TPRG1: variants seen among roughly 807,000 people sequenced by gnomAD.
TPRG1 encodes tumor protein p63-regulated gene 1 protein.
A neutral mutation model predicts 29.3 loss-of-function variants in TPRG1; 29 were observed. The ratio of observed to expected loss-of-function variants is 0.99; its 90% CI spans 0.74 to 1.35. The LOEUF (loss-of-function observed/expected upper bound fraction) is 1.35, where lower values mean the gene tolerates loss of function less well. TPRG1 is among the 40% of genes most tolerant of loss of function. The pLI, the probability that TPRG1 is intolerant of heterozygous loss-of-function variation, is 0.00. For missense variants in TPRG1, 327 were observed against 335.0 expected, an observed-to-expected ratio of 0.98 and a Z score of 0.19; for synonymous variants, 130 against 116.8, an observed-to-expected ratio of 1.11 and a Z score of -0.73.
chr3:189,249,531 GT>G (rs1194874436), intron 4 of TPRG1, among the ~76,000 whole-genome samples: 1 of 151,630 alleles, frequency 6.6e-6, no homozygotes, highest in Non-Finnish European at 1.5e-5. Context: ...CTTTTAATGG[GT>G]AAGATTAACC....
At chr3:189,309,252 T>C (rs1277695926) in intron 4 of TPRG1, among the ~76,000 whole-genome samples, 1 of 152,102 alleles carries the variant, frequency 6.6e-6, no homozygotes, top group East Asian at 1.9e-4. Flanking sequence ...CGGAGTGTTA[T>C]ATGCATTTGT....
upstream of TPRG1, among the ~76,000 whole-genome samples, chr3:189,170,499 T>C (rs1336317818): frequency 2.0e-5 from 3 of 152,220 alleles, no homozygotes; most frequent in African/African-American, 4.8e-5. Flanking sequence ...TGGATTACCA[T>C]AGTACTTGTT....
At chr3:189,283,252 A>G (rs1717461269) in intron 4 of TPRG1, among the ~76,000 whole-genome samples, 1 of 152,194 alleles carries the variant, frequency 6.6e-6, no homozygotes, top group African/African-American at 2.4e-5. Context: ...CCAGTTTTTT[A>G]AAGCAGTGGT....
At chr3:189,200,469 G>A (rs1295963252) in intron 1 of TPRG1, among the ~76,000 whole-genome samples, 1 of 152,106 alleles carries the variant, frequency 6.6e-6, no homozygotes, top group Non-Finnish European at 1.5e-5. Flanking sequence ...TTTATTTTGG[G>A]TATATGCCTT....
intron 1 of TPRG1, among the ~76,000 whole-genome samples, chr3:189,203,543 C>T (rs2108787916): frequency 6.6e-6 from 1 of 152,196 alleles, no homozygotes; most frequent in South Asian, 2.1e-4. Context: ...CTGTTAATCT[C>T]GTGCTACTGC....
At chr3:189,177,175 T>C (rs544848256) in intron 1 of TPRG1, among the ~76,000 whole-genome samples, 1 of 152,170 alleles carries the variant, frequency 6.6e-6, no homozygotes, top group South Asian at 2.1e-4. Flanking sequence ...GTGAGACAGA[T>C]AAGTCAAGTA....
intron 1 of TPRG1, among the ~76,000 whole-genome samples, chr3:189,204,245 G>C (rs191669690): frequency 2.4e-4 from 37 of 152,214 alleles, no homozygotes; most frequent in Admixed American, 2.2e-3. Flanking sequence ...TGAAAGCAAT[G>C]GAACATTTGA....
At chr3:189,071,155 G>T (rs916801144) in intron 4 of TPRG1, among the ~76,000 whole-genome samples, 1 of 152,064 alleles carries the variant, frequency 6.6e-6, no homozygotes, top group Non-Finnish European at 1.5e-5. Flanking sequence ...GGTCACCAGG[G>T]CAGAGAATCC....
chr3:189,319,414 T>C (rs999648047), intron 5 of TPRG1, among the ~76,000 whole-genome samples: 7 of 152,062 alleles, frequency 4.6e-5, no homozygotes, highest in Non-Finnish European at 7.4e-5. Context: ...AACTCAATAA[T>C]AATATCGCTA....
chr3:189,125,451 G>A (rs1469631003), intron 1 of TPRG1, among the ~76,000 whole-genome samples: 1 of 152,164 alleles, frequency 6.6e-6, no homozygotes, highest in African/African-American at 2.4e-5. Flanking sequence ...GGGCCTGTCA[G>A]ACCATATGAT....
chr3:189,207,694 G>A, intron 2 of TPRG1, 100 bp downstream of exon 2: 1 of 1,122,270 alleles, frequency 8.9e-7, no homozygotes, highest in Admixed American at 1.9e-5. Context: ...ACTCACATTT[G>A]TCTCATGTAA....
upstream of TPRG1, among the ~76,000 whole-genome samples, chr3:189,170,791 G>A (rs1728728382): frequency 6.6e-6 from 1 of 152,088 alleles, no homozygotes; most frequent in Non-Finnish European, 1.5e-5. Flanking sequence ...ATTTCCTGTG[G>A]AATCGCTTCA....
chr3:189,169,733 C>G (rs1728585483), upstream of TPRG1, among the ~76,000 whole-genome samples: 1 of 152,212 alleles, frequency 6.6e-6, no homozygotes, highest in Admixed American at 6.5e-5. Flanking sequence ...CCTCCAGGAG[C>G]TCATTTTCTC....
intron 3 of TPRG1, among the ~76,000 whole-genome samples, chr3:189,234,964 G>A (rs772278417): frequency 6.6e-6 from 1 of 152,120 alleles, no homozygotes; most frequent in Non-Finnish European, 1.5e-5. Context: ...GGAGATTCAT[G>A]AACAACATTG....
rs993742027 is a variant in TPRG1, at chr3:189,324,111, C to T, written c.*3291C>T. ...GGTCATCTAAGGCAGAAAAGAGAAG[C>T]TCACTTATAAGTTGGCACTTCTGAA... On this transcript the variant is annotated 3_prime_UTR_variant, in exon 6 of 6. Coordinates refer to ENST00000345063, the MANE Select transcript of TPRG1 (RefSeq NM_198485.4). 1.3e-5 allele frequency: 2 copies of T among 152,140 alleles called. No individual in the cohort carries two copies. The highest frequency in any genetic ancestry group is 1.9e-4 in the East Asian group (1 of 5,188). The allele number at this position is 152,140 out of a possible 1,614,324, so 9.4% of individuals were successfully genotyped here.
At chr3:189,029,668 T>C (rs1713835279) in intron 4 of TPRG1, among the ~76,000 whole-genome samples, 2 of 152,202 alleles carry the variant, frequency 1.3e-5, no homozygotes, top group Non-Finnish European at 2.9e-5. Context: ...AAACCTCATG[T>C]TGAAATGTAA....
intron 3 of TPRG1, among the ~76,000 whole-genome samples, chr3:189,008,085 GA>G (rs34598292): frequency 0.88 from 130,166 of 147,114 alleles, 59,190 homozygotes; most frequent in Non-Finnish European, 0.99. Context: ...AAACGTTCTA[GA>G]AAAAAAAAAA....
chr3:189,152,056 AT>A, intron 5 of TPRG1, among the ~76,000 whole-genome samples: 1 of 152,186 alleles, frequency 6.6e-6, no homozygotes, highest in East Asian at 1.9e-4. Flanking sequence ...GCAGATGTGC[AT>A]GGCTTGGTGT....
intron 4 of TPRG1, among the ~76,000 whole-genome samples, chr3:189,092,147 G>A (rs931862780): frequency 6.6e-6 from 1 of 152,050 alleles, no homozygotes; most frequent in Non-Finnish European, 1.5e-5. Flanking sequence ...CTACTTTGCA[G>A]TTTATCAGTG....
Sources: allele counts gnomAD v4.1 joint callset (sites outside exome capture counted in the v4.1 genomes callset), GRCh38; gene constraint gnomAD v4.1.1; transcripts MANE v1.5; gene names NCBI Gene and HGNC (gene_info 2026-07-23, HGNC 2026-07-21).